SPOCK1: variants seen among roughly 807,000 people sequenced by gnomAD.
The protein encoded by SPOCK1 is SPARC (osteonectin), cwcv and kazal like domains proteoglycan 1.
Under a neutral mutation model 55.3 loss-of-function variants are expected in SPOCK1, and 23 were observed. That is an observed-to-expected ratio of 0.42 (90% CI 0.30 to 0.59). SPOCK1 has a LOEUF of 0.59. Ranked by LOEUF, SPOCK1 falls within the 20% of genes least tolerant of loss-of-function variation. The pLI is 0.22. For missense variants in SPOCK1, 499 were observed against 552.5 expected, an observed-to-expected ratio of 0.90 and a Z score of 0.97; for synonymous variants, 226 against 221.0, an observed-to-expected ratio of 1.02 and a Z score of -0.20.
chr5:137,190,217 C>T (rs2127069645), intron 3 of SPOCK1, among the ~76,000 whole-genome samples: 1 of 152,254 alleles, frequency 6.6e-6, no homozygotes, highest in Non-Finnish European at 1.5e-5. Context: ...GAAAGAAGTT[C>T]TACTGTGGGT....
At chr5:137,423,045 G>T (rs1386914187) in intron 2 of SPOCK1, among the ~76,000 whole-genome samples, 1 of 152,214 alleles carries the variant, frequency 6.6e-6, no homozygotes, top group Non-Finnish European at 1.5e-5. Flanking sequence ...TTTGCTGGAG[G>T]TCCACTCCAG....
At chr5:137,251,827 A>T (rs4976427) in intron 3 of SPOCK1, among the ~76,000 whole-genome samples, 1 of 152,064 alleles carries the variant, frequency 6.6e-6, no homozygotes, top group African/African-American at 2.4e-5. Flanking sequence ...ATACATTACA[A>T]TTTGGTACTG....
chr5:137,424,239 G>C (rs1205914185), intron 2 of SPOCK1, among the ~76,000 whole-genome samples: 1 of 152,178 alleles, frequency 6.6e-6, no homozygotes, highest in East Asian at 1.9e-4. Flanking sequence ...AAATTAGCCA[G>C]GCACGGTGGC....
intron 5 of SPOCK1, among the ~76,000 whole-genome samples, 191 bp downstream of exon 5, chr5:137,112,244 C>G (rs1357966519): frequency 6.6e-6 from 1 of 152,174 alleles, no homozygotes; most frequent in African/African-American, 2.4e-5. Context: ...CCCAGTTACA[C>G]AGGATAGAAT....
At chr5:137,230,623 T>C (rs372136915) in intron 3 of SPOCK1, among the ~76,000 whole-genome samples, 1 of 152,360 alleles carries the variant, frequency 6.6e-6, no homozygotes, top group East Asian at 1.9e-4. Flanking sequence ...AGATGTCACA[T>C]TGTTTAGTCC....
chr5:137,424,020 TC>T (rs1752556892), intron 2 of SPOCK1, among the ~76,000 whole-genome samples: 1 of 152,082 alleles, frequency 6.6e-6, no homozygotes, highest in Non-Finnish European at 1.5e-5. Flanking sequence ...ACCTGGTTGT[TC>T]CAGCAATATT....
At chr5:137,238,977 A>C (rs1049421930) in intron 3 of SPOCK1, among the ~76,000 whole-genome samples, 1 of 152,234 alleles carries the variant, frequency 6.6e-6, no homozygotes, top group African/African-American at 2.4e-5. Context: ...GGAGAGAAGC[A>C]TCTTTTGGTA....
rs189451696 is a variant in SPOCK1, at chr5:137,093,289, G to C, written c.474+19146C>G. 4.2e-3 allele frequency among the ~76,000 whole-genome samples: 638 copies of C among 152,268 alleles called. 7 individuals carry two copies. The highest frequency in any genetic ancestry group is 0.014 in the African/African-American group (602 of 41,560). Reference sequence around the variant, plus strand: ...ATTAGAAGAGGCTAGCATCCTCACTGGGGGCTGAAGAAGGGCAGGGTCTCT... The same window carrying C: ...ATTAGAAGAGGCTAGCATCCTCACTCGGGGCTGAAGAAGGGCAGGGTCTCT... On this transcript the variant is annotated intron_variant, in intron 5 of 10. Transcript: ENST00000394945.
chr5:137,429,731 G>C (rs530719886), intron 2 of SPOCK1, among the ~76,000 whole-genome samples: 1 of 152,192 alleles, frequency 6.6e-6, no homozygotes, highest in Non-Finnish European at 1.5e-5. Context: ...TCAATCCTTA[G>C]CCCATACTGA....
At chr5:137,317,733 T>C (rs1757905714) in intron 2 of SPOCK1, among the ~76,000 whole-genome samples, 1 of 152,164 alleles carries the variant, frequency 6.6e-6, no homozygotes. Flanking sequence ...GGCCACCTCC[T>C]TCCTCCAGAA....
At chr5:137,472,999 T>C (rs1753766994) in intron 2 of SPOCK1, among the ~76,000 whole-genome samples, 1 of 152,176 alleles carries the variant, frequency 6.6e-6, no homozygotes, top group South Asian at 2.1e-4. Flanking sequence ...CTGTTCTATG[T>C]TGCCGGTTAA....
chr5:137,474,548 T>G, intron 2 of SPOCK1, among the ~76,000 whole-genome samples: 1 of 152,158 alleles, frequency 6.6e-6, no homozygotes, highest in East Asian at 1.9e-4. Flanking sequence ...AGATCTTGGT[T>G]TATAAATACC....
chr5:137,320,062 T>C (rs1757955457), intron 2 of SPOCK1, among the ~76,000 whole-genome samples: 2 of 151,790 alleles, frequency 1.3e-5, no homozygotes, highest in South Asian at 4.2e-4. Context: ...CAAGAACAGC[T>C]ACATTGAAAT....
intron 4 of SPOCK1, among the ~76,000 whole-genome samples, chr5:137,139,526 G>A (rs1214291319): frequency 1.3e-5 from 2 of 152,106 alleles, no homozygotes; most frequent in African/African-American, 4.8e-5. Context: ...CATGGTCCCA[G>A]CTCAAGCTGG....
intron 2 of SPOCK1, among the ~76,000 whole-genome samples, chr5:137,434,781 G>A (rs537638995): frequency 5.1e-4 from 77 of 152,130 alleles, no homozygotes; most frequent in Non-Finnish European, 9.3e-4. Flanking sequence ...GATTACAGGC[G>A]TGAGCCACCA....
rs1412466513 is a variant in SPOCK1, at chr5:137,498,520, C to T, written c.39G>A (p.Ala13=). ...AIAVLAAAAA[A]WCFLQVESRH... ...GGCTCTCGACTTGGAGGAAGCACCA[C>T]GCCGCGGCGGCCGCCGCCAACACCG... The change falls in exon 2 of 11, where the codon GCG becomes GCA. Residue 13 remains alanine, a synonymous_variant. Coordinates refer to ENST00000394945, the MANE Select transcript of SPOCK1 (RefSeq NM_004598.4). The T allele has an allele frequency of 2.6e-6, 4 of 1,553,844 alleles. No homozygotes were observed. The highest frequency in any genetic ancestry group is 2.6e-6 in the Non-Finnish European group (3 of 1,156,720).
At chr5:136,991,261 C>CTTA (rs1276270507) in intron 7 of SPOCK1, among the ~76,000 whole-genome samples, 1 of 151,810 alleles carries the variant, frequency 6.6e-6, no homozygotes, top group African/African-American at 2.4e-5. Context: ...GAAAAAAAAT[C>CTTA]TTATTTTGCT....
intron 8 of SPOCK1, among the ~76,000 whole-genome samples, chr5:136,986,712 A>G (rs1208361056): frequency 2.0e-5 from 3 of 151,942 alleles, no homozygotes; most frequent in Non-Finnish European, 4.4e-5. Context: ...CACCTATTTC[A>G]GTTACAATGG....
chr5:137,352,436 T>C (rs17171369), intron 2 of SPOCK1, among the ~76,000 whole-genome samples: 9,967 of 152,276 alleles, frequency 0.065, 692 homozygotes, highest in African/African-American at 0.17. Flanking sequence ...CTGCTGAGGA[T>C]GCCGCATTCT....
Sources: allele counts gnomAD v4.1 joint callset (sites outside exome capture counted in the v4.1 genomes callset), GRCh38; gene constraint gnomAD v4.1.1; transcripts MANE v1.5; gene names NCBI Gene and HGNC (gene_info 2026-07-23, HGNC 2026-07-21).